Variants in TICRR observed in about 807,000 individuals in gnomAD.
TICRR encodes treslin.
TICRR carries 132 observed loss-of-function variants against 178.1 expected under a neutral mutation model. That is an observed-to-expected ratio of 0.74 (90% confidence interval 0.64 to 0.86). The LOEUF (loss-of-function observed/expected upper bound fraction) is 0.86, where lower values mean the gene tolerates loss of function less well. Ranked by LOEUF, TICRR falls within the 40% of genes least tolerant of loss-of-function variation. TICRR has a pLI of 0.00. For synonymous variants in TICRR, 991 were observed against 900.7 expected, an observed-to-expected ratio of 1.10 and a Z score of -1.79; for missense variants, 2,587 against 2,334.3, an observed-to-expected ratio of 1.11 and a Z score of -2.23.
chr15:89,618,128 T>C (rs1444681208), intron 16 of TICRR, 24 bp from the exon 17 acceptor site: 2 of 1,610,332 alleles, frequency 1.2e-6, no homozygotes, highest in Admixed American at 1.7e-5. Flanking sequence ...TATGGAGTAA[T>C]CCTTGTGCAT....
chr15:89,591,251 A>G (rs982309730), intron 4 of TICRR, among the ~76,000 whole-genome samples: 2 of 152,048 alleles, frequency 1.3e-5, no homozygotes, highest in Non-Finnish European at 2.9e-5. Flanking sequence ...AACCTCCCGA[A>G]TAGCTAGGAA....
chr15:89,616,610 T>C (rs547714913), intron 16 of TICRR, 115 bp downstream of exon 16: 1 of 777,876 alleles, frequency 1.3e-6, no homozygotes, highest in African/African-American at 1.7e-5. Context: ...ACTATGTTGC[T>C]TAAAACCAAA....
At chr15:89,596,195 C>G (rs1475903573) in intron 7 of TICRR, among the ~76,000 whole-genome samples, 1 of 152,130 alleles carries the variant, frequency 6.6e-6, no homozygotes, top group African/African-American at 2.4e-5. Context: ...ATAAATGATG[C>G]TGGAACAACT....
At chr15:89,584,015 A>G (rs1272741583) in intron 2 of TICRR, among the ~76,000 whole-genome samples, 1 of 152,154 alleles carries the variant, frequency 6.6e-6, no homozygotes, top group Non-Finnish European at 1.5e-5. Context: ...TTTCTAAGTC[A>G]TAATTTCTGA....
At chr15:89,576,793 A>C (rs1318397516) in intron 1 of TICRR, among the ~76,000 whole-genome samples, 1 of 145,710 alleles carries the variant, frequency 6.9e-6, no homozygotes, top group Non-Finnish European at 1.5e-5. Context: ...TTAACACAAT[A>C]CCCAGGGGTG....
At chr15:89,617,525 A>G (rs1332397207) in intron 16 of TICRR, among the ~76,000 whole-genome samples, 1 of 151,990 alleles carries the variant, frequency 6.6e-6, no homozygotes. Context: ...CATTCTAACC[A>G]TCTCACTCTT....
At position 89,624,772 on chromosome 15, in the gene TICRR, G is replaced by A. The variant is rs1490301928; in HGVS notation, c.4462G>A (p.Gly1488Ser). 1.9e-6 allele frequency: 3 copies of A among 1,614,176 alleles called. No homozygotes were observed. Among genetic ancestry groups the A allele is most frequent in the African/African-American group, 2.7e-5 (2 of 75,040 alleles). Reference protein sequence around the residue: ...LKSNVLSVEEGEGLRTADAEK... With the variant: ...LKSNVLSVEESEGLRTADAEK... Reference sequence around the variant, plus strand: ...AAGTAACGTCTTATCAGTGGAAGAGGGTGAGGGGCTAAGGACAGCAGATGC... The same window carrying A: ...AAGTAACGTCTTATCAGTGGAAGAGAGTGAGGGGCTAAGGACAGCAGATGC... Residue 1488 changes from glycine to serine, a missense_variant, in exon 20 of 22, where the codon GGT becomes AGT. By Grantham distance (56) the Gly-to-Ser change is moderately conservative. Transcript: ENST00000268138.
intron 6 of TICRR, among the ~76,000 whole-genome samples, chr15:89,594,954 G>A (rs1385850133): frequency 6.6e-6 from 1 of 152,122 alleles, no homozygotes; most frequent in Admixed American, 6.5e-5. Flanking sequence ...TATACATTAT[G>A]CGTATAATTT....
chr15:89,625,114 C>T lies in TICRR; in HGVS notation c.4804C>T (p.Leu1602Phe). 1 of 1,613,942 alleles carries T rather than the reference C, an allele frequency of 6.2e-7. No individual in the cohort carries two copies. Among genetic ancestry groups the T allele is most frequent in the African/African-American group, 1.3e-5 (1 of 75,032 alleles). Reference sequence around the variant, plus strand: ...GAGCTCTCTGGGAGAAGAGAGCTTCCTCCCTGCTCTCAGCATGCCCAGGGC... The same window carrying T: ...GAGCTCTCTGGGAGAAGAGAGCTTCTTCCCTGCTCTCAGCATGCCCAGGGC... ...EESSLGEESF[L>F]PALSMPRASR... is the part of the protein sequence containing the mutation. The change falls in exon 20 of 22, where the codon CTC (leucine) becomes TTC (phenylalanine). Residue 1602 changes from leucine to phenylalanine, a missense_variant. Coordinates refer to ENST00000268138, the MANE Select transcript of TICRR (RefSeq NM_152259.4).
intron 13 of TICRR, among the ~76,000 whole-genome samples, chr15:89,604,494 C>G (rs1963145143): frequency 6.6e-6 from 1 of 152,166 alleles, no homozygotes; most frequent in Non-Finnish European, 1.5e-5. Flanking sequence ...GAATTAACGC[C>G]TGGGCGCAGT....
chr15:89,601,785 A>G lies in TICRR; in HGVS notation c.2376A>G (p.Leu792=), dbSNP rs755164686. 3.1e-6 allele frequency: 5 copies of G among 1,614,150 alleles called. No homozygotes were observed. The highest frequency in any genetic ancestry group is 1.7e-5 in the Admixed American group (1 of 60,014). ...CACTTGGAAATCTTTACAACAGCCT[A>G]GGGTTTGTGATTCCTCAGAAGCTGG... ...PKTLGNLYNS[L]GFVIPQKLAG... is the part of the protein sequence containing the mutation. The change falls in exon 12 of 22, where the codon CTA becomes CTG. Residue 792 remains leucine (L), a synonymous_variant. Transcript: ENST00000268138.
In TICRR at chr15:89,575,558, C is replaced by T. The variant is rs1349416510; in HGVS notation, c.-29C>T. ...AAGGGACGGTGGCGCGGGCCCGGAC[C>T]GGGGCCCCGGGGCGGCGGCACGGCC... is the stretch of plus-strand genomic sequence containing the variant. On this transcript the variant is annotated 5_prime_UTR_variant, in exon 1 of 22. Coordinates refer to ENST00000268138, the MANE Select transcript of TICRR (RefSeq NM_152259.4). 1 of 1,446,296 alleles carries T rather than the reference C, an allele frequency of 6.9e-7. No individual in the cohort carries two copies. Among genetic ancestry groups the T allele is most frequent in the Non-Finnish European group, 9.0e-7 (1 of 1,107,472 alleles). The allele number at this position is 1,446,296 out of a possible 1,614,324, so 89.6% of individuals were successfully genotyped here. A position where few individuals can be genotyped will look rare whatever the true frequency, so the allele number is the denominator to read the frequency against.
intron 4 of TICRR, among the ~76,000 whole-genome samples, chr15:89,588,156 AG>A (rs1962852934): frequency 6.6e-6 from 1 of 152,134 alleles, no homozygotes; most frequent in Admixed American, 6.5e-5. Context: ...TGAGTTAGGA[AG>A]TGACATCATC....
Position 89,618,154 on chromosome 15 carries a change from C to G in TICRR, c.2963C>G (p.Ser988Cys). Residue 988 changes from serine (S) to cysteine (C), a missense_variant and splice_region_variant, in exon 17 of 22, where the codon TCC becomes TGC. By Grantham distance (112) the Ser-to-Cys change is moderately radical (BLOSUM62 -1). Transcript: ENST00000268138. ...RLLHRQIKGR[S>C]SDPGPDIGVV... is the part of the protein sequence containing the mutation. ...CCTTGTGCATGTGGTTCCTCGAGGT[C>G]CTCTGATCCTGGTCCTGATATTGGT... is the stretch of plus-strand genomic sequence containing the variant. The G allele has an allele frequency of 6.2e-7, 1 of 1,614,110 alleles. No individual in the cohort carries two copies.
Position 89,627,136 on chromosome 15 carries a change from T to C in TICRR, c.*50T>C. ...GATCAAGGAGTCAGCCAGGACCCTG[T>C]GGACATAAAGAAGTTGGATGCCTGG... On this transcript the variant is annotated 3_prime_UTR_variant, in exon 22 of 22. Coordinates refer to ENST00000268138, the MANE Select transcript of TICRR (RefSeq NM_152259.4). 6.2e-7 allele frequency: 1 copy of C among 1,607,432 alleles called. No homozygotes were observed.
Position 89,582,970 on chromosome 15 carries a change from G to A in TICRR, c.934+5G>A. On this transcript the variant is annotated splice_donor_5th_base_variant and intron_variant, in intron 2 of 21. Transcript: ENST00000268138. ...TGTTATTTCTCCCTGTTGAAGGTAA[G>A]CAAATAATATTTTAAGGTTTTTTTT... 1.3e-6 allele frequency: 2 copies of A among 1,585,980 alleles called. No individual in the cohort carries two copies. Among genetic ancestry groups the A allele is most frequent in the Non-Finnish European group, 1.7e-6 (2 of 1,168,566 alleles).
At chr15:89,576,863 A>ACG (rs1962631103) in intron 1 of TICRR, among the ~76,000 whole-genome samples, 1 of 138,172 alleles carries the variant, frequency 7.2e-6, no homozygotes, top group Admixed American at 7.1e-5. Flanking sequence ...ATATATATAC[A>ACG]CACACACACA....
intron 5 of TICRR, 145 bp downstream of exon 5, chr15:89,592,321 A>G: frequency 1.7e-6 from 1 of 598,232 alleles, no homozygotes; most frequent in Non-Finnish European, 2.7e-6. Context: ...CTCATACTTA[A>G]TATATATTGT....
intron 18 of TICRR, among the ~76,000 whole-genome samples, chr15:89,620,432 T>G (rs946722887): frequency 6.6e-6 from 1 of 151,958 alleles, no homozygotes; most frequent in Non-Finnish European, 1.5e-5. Context: ...GGTCTTGAAC[T>G]GCTGGGCTCA....
Sources: gnomAD v4.1 joint callset for allele counts (sites outside exome capture counted in the v4.1 genomes callset) on GRCh38, gnomAD v4.1.1 for gene constraint, MANE v1.5 for transcripts, NCBI Gene and HGNC (gene_info 2026-07-23, HGNC 2026-07-21) for gene names.